The following SLC8A1 variants were observed in gnomAD, a reference collection of about 807,000 sequenced individuals.
The protein encoded by SLC8A1 is sodium/calcium exchanger 1.
A neutral mutation model predicts 68.3 loss-of-function variants in SLC8A1; 18 were observed. The observed-to-expected ratio is 0.26, with a 90% confidence interval of 0.18 to 0.39. SLC8A1 has a LOEUF of 0.39. SLC8A1 is among the 10% of genes least tolerant of loss of function. The pLI is 1.00. For synonymous variants in SLC8A1, 475 were observed against 415.5 expected, an observed-to-expected ratio of 1.14 and a Z score of -1.74; for missense variants, 985 against 1,156.7, an observed-to-expected ratio of 0.85 and a Z score of 2.15.
Position 40,233,796 on chromosome 2 carries a change from G to C in SLC8A1, c.1809-55941C>G, listed in dbSNP as rs186528205. Reference sequence around the variant, plus strand: ...GTATAAGGTGTCAGGAAGGGATCCAGTTTCAGCTTTCTACATATGGCTAGC... The same window carrying C: ...GTATAAGGTGTCAGGAAGGGATCCACTTTCAGCTTTCTACATATGGCTAGC... On this transcript the variant is annotated intron_variant, in intron 2 of 7. Transcript: ENST00000406785. Among the ~76,000 whole-genome samples the C allele has an allele frequency of 6.2e-3, 941 of 151,982 alleles. 5 individuals are homozygous for C. Among genetic ancestry groups the C allele is most frequent in the African/African-American group, 0.017 (688 of 41,400 alleles).
chr2:40,159,004 G>A (rs755246565), intron 6 of SLC8A1, among the ~76,000 whole-genome samples: 3 of 152,088 alleles, frequency 2.0e-5, no homozygotes. Flanking sequence ...CTATAGACTG[G>A]TCATAAAATG....
At chr2:40,209,433 T>A (rs1030664227) in intron 2 of SLC8A1, among the ~76,000 whole-genome samples, 7 of 151,450 alleles carry the variant, frequency 4.6e-5, no homozygotes, top group Admixed American at 3.3e-4. Flanking sequence ...AAGAGTAGAG[T>A]GAGGGGAAGT....
At chr2:40,108,751 A>ACATAGTTGGTT (rs1558385395) in exon 8 of SLC8A1, 1 of 152,172 alleles carries the variant, frequency 6.6e-6, no homozygotes, top group Non-Finnish European at 1.5e-5. Context: ...AAAAGTGGTT[A>ACATAGTTGGTT]CATAGTTGGT....
chr2:40,336,430 T>C (rs1666002123), intron 2 of SLC8A1, among the ~76,000 whole-genome samples: 2 of 152,302 alleles, frequency 1.3e-5, no homozygotes, highest in African/African-American at 2.4e-5. Context: ...TCTCAGAATA[T>C]CCATTTTATA....
chr2:40,375,475 A>T (rs1191418098), intron 2 of SLC8A1, among the ~76,000 whole-genome samples: 1 of 152,164 alleles, frequency 6.6e-6, no homozygotes, highest in East Asian at 1.9e-4. Flanking sequence ...TTAATTGGAT[A>T]GTTTTATTAG....
chr2:40,196,049 G>C (rs1382077928), intron 2 of SLC8A1: 1 of 150,166 alleles, frequency 6.7e-6, no homozygotes, highest in Non-Finnish European at 1.5e-5. Context: ...CTTTCAACTT[G>C]AAGGAGGAAG....
At chr2:40,324,020 G>A (rs891881679) in intron 2 of SLC8A1, among the ~76,000 whole-genome samples, 3 of 149,334 alleles carry the variant, frequency 2.0e-5, no homozygotes, top group Non-Finnish European at 3.0e-5. Context: ...TGCTTAGCAA[G>A]TTAAAGGTGG....
At chr2:40,299,512 G>A (rs1487258855) in intron 2 of SLC8A1, among the ~76,000 whole-genome samples, 1 of 142,690 alleles carries the variant, frequency 7.0e-6, no homozygotes, top group Non-Finnish European at 1.5e-5. Context: ...AACTGGATGT[G>A]ACGTTAGGAA....
At chr2:40,342,006 T>C (rs1047176104) in intron 2 of SLC8A1, among the ~76,000 whole-genome samples, 3 of 152,164 alleles carry the variant, frequency 2.0e-5, no homozygotes, top group South Asian at 4.1e-4. Flanking sequence ...CAGCATCATA[T>C]GGGAGCTATA....
At chr2:40,198,951 G>A (rs562960002) in intron 2 of SLC8A1, among the ~76,000 whole-genome samples, 1,454 of 138,956 alleles carry the variant, frequency 0.01, 19 homozygotes, top group African/African-American at 0.036. Flanking sequence ...AAAAAAAAAA[G>A]AAGTTGAACT....
At chr2:40,325,244 A>G (rs2075676108) in intron 2 of SLC8A1, among the ~76,000 whole-genome samples, 1 of 152,248 alleles carries the variant, frequency 6.6e-6, no homozygotes, top group Non-Finnish European at 1.5e-5. Flanking sequence ...AAAGAGCATA[A>G]CTCTGCCAGC....
At chr2:40,282,753 G>A (rs760863455) in intron 2 of SLC8A1, among the ~76,000 whole-genome samples, 1 of 152,056 alleles carries the variant, frequency 6.6e-6, no homozygotes, top group African/African-American at 2.4e-5. Context: ...GTCCAGTCCT[G>A]CCCAGTAACA....
At chr2:40,162,208 C>T (rs2045810600) in intron 5 of SLC8A1, among the ~76,000 whole-genome samples, 1 of 152,182 alleles carries the variant, frequency 6.6e-6, no homozygotes, top group Admixed American at 6.5e-5. Context: ...CTGTAACCAT[C>T]ACTGCTCTTG....
intron 1 of SLC8A1, among the ~76,000 whole-genome samples, chr2:40,437,028 T>G (rs959571380): frequency 1.3e-5 from 2 of 152,170 alleles, no homozygotes; most frequent in Non-Finnish European, 2.9e-5. Flanking sequence ...TCACTGTCCC[T>G]GACTTTTCTG....
chr2:40,211,383 C>T (rs750364119), intron 2 of SLC8A1, among the ~76,000 whole-genome samples: 6 of 152,104 alleles, frequency 3.9e-5, no homozygotes, highest in Non-Finnish European at 5.9e-5. Flanking sequence ...TTCCAATAGA[C>T]AGCTAAAAAT....
intron 2 of SLC8A1, among the ~76,000 whole-genome samples, chr2:40,426,861 A>G (rs751174216): frequency 1.3e-4 from 20 of 152,072 alleles, no homozygotes; most frequent in Admixed American, 4.6e-4. Flanking sequence ...TAGGGAAAAT[A>G]TAATCAATAG....
chr2:40,506,104 C>CTT (rs34231209), intron 1 of SLC8A1, among the ~76,000 whole-genome samples: 3 of 132,170 alleles, frequency 2.3e-5, no homozygotes, highest in South Asian at 4.7e-4. Flanking sequence ...TTCATAGATC[C>CTT]TTTTTTTTTT....
intron 2 of SLC8A1, among the ~76,000 whole-genome samples, chr2:40,315,342 A>C (rs997808268): frequency 1.3e-5 from 2 of 151,856 alleles, no homozygotes; most frequent in Admixed American, 6.6e-5. Context: ...GAATTGCAAA[A>C]CGTAATTTCT....
exon 2 of SLC8A1, chr2:40,429,569 T>C: frequency 6.2e-7 from 1 of 1,613,622 alleles, no homozygotes; most frequent in Non-Finnish European, 8.5e-7. Flanking sequence ...AAGAAGAAAG[T>C]AAGCAAACCT....
Sources: allele counts gnomAD v4.1 joint callset (sites outside exome capture counted in the v4.1 genomes callset), GRCh38; gene constraint gnomAD v4.1.1; transcripts MANE v1.5; gene names NCBI Gene and HGNC (gene_info 2026-07-23, HGNC 2026-07-21).